Variants in VAC14 observed in about 807,000 individuals in gnomAD.
The protein encoded by VAC14 is protein VAC14 homolog.
VAC14 carries 47 observed loss-of-function variants against 85.3 expected under a neutral mutation model. The observed-to-expected ratio is 0.55, with a 90% CI of 0.44 to 0.70. The LOEUF (loss-of-function observed/expected upper bound fraction) is 0.70, where lower values mean the gene tolerates loss of function less well. VAC14 is among the 30% of genes least tolerant of loss of function. VAC14 has a pLI of 0.00. For synonymous variants in VAC14, 447 were observed against 430.5 expected (o/e 1.04, Z -0.47); for missense variants, 861 against 1,004.3 (o/e 0.86, Z 1.93).
rs751364164 is a variant in VAC14, at chr16:70,772,092, T to C, written c.1160+17A>G. 2 of 1,613,552 alleles carry C rather than the reference T, an allele frequency of 1.2e-6. No individual in the cohort carries two copies. Among genetic ancestry groups the C allele is most frequent in the South Asian group, 1.1e-5 (1 of 91,040 alleles). On this transcript the variant is annotated intron_variant, in intron 10 of 18. Coordinates refer to ENST00000261776, the MANE Select transcript of VAC14 (RefSeq NM_018052.5). ...GCTCGCTTTCCACAAACCTTCTGGC[T>C]GAAACAAGCCACTTACCTGGCTGCA...
intron 15 of VAC14, 76 bp from the exon 16 acceptor site, chr16:70,697,333 G>T: frequency 7.9e-7 from 1 of 1,260,018 alleles, no homozygotes; most frequent in Non-Finnish European, 1.1e-6. Flanking sequence ...GGACCTGAGG[G>T]AAGGGCCACA....
chr16:70,761,282 C>G (rs1184026562), intron 12 of VAC14: 1 of 365,778 alleles, frequency 2.7e-6, no homozygotes, highest in South Asian at 2.1e-5. Context: ...CTCTCCCATC[C>G]CCCCCACCCA....
At chr16:70,717,949 G>A (rs1187510166) in intron 14 of VAC14, among the ~76,000 whole-genome samples, 1 of 152,250 alleles carries the variant, frequency 6.6e-6, no homozygotes, top group East Asian at 1.9e-4. Context: ...CACCGCGCCC[G>A]GCCTTGAGTA....
At chr16:70,767,054 C>T (rs1288607028) in intron 10 of VAC14, among the ~76,000 whole-genome samples, 1 of 152,218 alleles carries the variant, frequency 6.6e-6, no homozygotes, top group Non-Finnish European at 1.5e-5. Flanking sequence ...CTAGACGAGT[C>T]ACTCCTGGGG....
At chr16:70,756,618 CT>C (rs2031885539) in intron 12 of VAC14, among the ~76,000 whole-genome samples, 1 of 152,158 alleles carries the variant, frequency 6.6e-6, no homozygotes, top group African/African-American at 2.4e-5. Flanking sequence ...TTCCTCTCCC[CT>C]CAGGACTCAG....
chr16:70,796,362 A>T (rs1048152776), intron 1 of VAC14, among the ~76,000 whole-genome samples: 2 of 152,202 alleles, frequency 1.3e-5, no homozygotes, highest in African/African-American at 4.8e-5. Flanking sequence ...CCTCACTGGA[A>T]CACCATAGGC....
intron 14 of VAC14, among the ~76,000 whole-genome samples, chr16:70,720,211 G>A (rs1306183650): frequency 6.6e-6 from 1 of 152,210 alleles, no homozygotes; most frequent in Admixed American, 6.5e-5. Context: ...ACGTGAAAGT[G>A]ACCTCTCTGG....
chr16:70,770,530 CCTGGCTATGTTGA>C (rs1349883381), intron 10 of VAC14: 1 of 152,228 alleles, frequency 6.6e-6, no homozygotes, highest in Non-Finnish European at 1.5e-5. Flanking sequence ...GCCCTGGAAG[CCTGGCTATGTTGA>C]CTGGCATTAG....
At chr16:70,701,906 G>A (rs2053836071) in intron 14 of VAC14, among the ~76,000 whole-genome samples, 1 of 152,218 alleles carries the variant, frequency 6.6e-6, no homozygotes, top group South Asian at 2.1e-4. Context: ...GCCCTGGCCA[G>A]ATGGCTTGGC....
At position 70,699,218 on chromosome 16, in the gene VAC14, G is replaced by T. The variant is rs2053774040; in HGVS notation, c.1662-407C>A. ...CCTGCTGGGCTTTCTTCTCTTGCTA[G>T]AACTCATCTTCATCCAGCCAATTCT... On this transcript the variant is annotated intron_variant, in intron 14 of 18. Transcript: ENST00000261776. 7 of 203,928 alleles carry T rather than the reference G, an allele frequency of 3.4e-5. No homozygotes were observed. The South Asian group carries it at 6.6e-4, about 19-fold the overall frequency. The allele number at this position is 203,928 out of a possible 1,614,324, so 12.6% of individuals were successfully genotyped here. A position where few individuals can be genotyped will look rare whatever the true frequency, so the allele number is the denominator to read the frequency against.
chr16:70,697,500 C>G (rs1258166898), intron 15 of VAC14, among the ~76,000 whole-genome samples: 1 of 152,226 alleles, frequency 6.6e-6, no homozygotes, highest in African/African-American at 2.4e-5. Context: ...GAGGGCCTGG[C>G]TGGGAGTGGC....
Position 70,694,327 on chromosome 16 carries a change from CG to C in VAC14, c.2035+1216del, listed in dbSNP as rs759620709. On this transcript the variant is annotated intron_variant, in intron 17 of 18. Transcript: ENST00000261776. ...GGTCTTTTTAGGATCTGACCTCAGG[CG>C]GCCGTGTGGGTGCCTGTGTCCCTGG... Among the ~76,000 whole-genome samples, 119 of 152,290 alleles carry C rather than the reference CG, an allele frequency of 7.8e-4. 1 individual carries two copies. In the Middle Eastern group the frequency reaches 0.024, roughly 30 times the overall value.
intron 10 of VAC14, chr16:70,770,827 A>G (rs554811771): frequency 6.6e-6 from 1 of 152,354 alleles, no homozygotes; most frequent in South Asian, 2.1e-4. Context: ...GATCTCCTCC[A>G]TCAACGTAGG....
At chr16:70,741,608 G>T (rs2030319224) in intron 13 of VAC14, among the ~76,000 whole-genome samples, 1 of 152,248 alleles carries the variant, frequency 6.6e-6, no homozygotes, top group Non-Finnish European at 1.5e-5. Context: ...TCCTTCCGCA[G>T]CCCCCACTGC....
chr16:70,793,396 T>C (rs947133879), intron 1 of VAC14, among the ~76,000 whole-genome samples: 2 of 152,230 alleles, frequency 1.3e-5, no homozygotes, highest in Non-Finnish European at 2.9e-5. Context: ...TTTTACAGTT[T>C]GTGGAAACTG....
chr16:70,787,431 T>G (rs535891985), intron 1 of VAC14, among the ~76,000 whole-genome samples: 1 of 152,130 alleles, frequency 6.6e-6, no homozygotes, highest in African/African-American at 2.4e-5. Context: ...GGAGGGAGGC[T>G]GCCCTCATGG....
intron 18 of VAC14, chr16:70,690,311 C>G: frequency 3.0e-6 from 3 of 985,502 alleles, no homozygotes; most frequent in Non-Finnish European, 2.4e-6. Context: ...CAGGCCCGCT[C>G]TCCCTGCCCC....
chr16:70,722,183 T>C (rs1467669702), intron 14 of VAC14, among the ~76,000 whole-genome samples: 2 of 152,280 alleles, frequency 1.3e-5, no homozygotes, highest in Middle Eastern at 3.4e-3. Context: ...CCTCATCCAC[T>C]CAGATCCCAA....
chr16:70,746,195 C>A (rs1320980583), intron 12 of VAC14, among the ~76,000 whole-genome samples: 1 of 152,212 alleles, frequency 6.6e-6, no homozygotes. Context: ...TGGCCGGGAA[C>A]CCCTTTGCTT....
Sources: allele counts gnomAD v4.1 joint callset (sites outside exome capture counted in the v4.1 genomes callset), GRCh38; gene constraint gnomAD v4.1.1; transcripts MANE v1.5; gene names NCBI Gene and HGNC (gene_info 2026-07-23, HGNC 2026-07-21).